The following IQCK variants were observed in gnomAD, a reference collection of about 807,000 sequenced individuals.
The protein encoded by IQCK is IQ motif containing K.
In IQCK, 29 loss-of-function variants were observed where a neutral mutation model predicts 28.1. That is an observed-to-expected ratio of 1.03 (90% CI 0.77 to 1.41). The LOEUF is 1.41. Ranked by LOEUF, IQCK falls within the 40% of genes most tolerant of loss-of-function variation. The pLI, the probability that IQCK is intolerant of heterozygous loss-of-function variation, is 0.00. For missense variants in IQCK, 359 were observed against 314.7 expected (o/e 1.14, Z -1.07); for synonymous variants, 113 against 115.1 (o/e 0.98, Z 0.12).
chr16:19,820,563 C>A (rs956240393), intron 7 of IQCK, among the ~76,000 whole-genome samples: 2 of 151,234 alleles, frequency 1.3e-5, no homozygotes, highest in Non-Finnish European at 2.9e-5. Context: ...GCACGAGAAT[C>A]ACTTGAACCC....
rs183840831 is a variant in IQCK at position 19,782,593 on chromosome 16, A to G, written c.606-6245A>G. Among the ~76,000 whole-genome samples the G allele has an allele frequency of 3.2e-3, 481 of 152,242 alleles. 2 individuals carry two copies. The highest frequency in any genetic ancestry group is 0.011 in the African/African-American group (461 of 41,538). On this transcript the variant is annotated intron_variant, in intron 6 of 7. Transcript: ENST00000564186. Reference sequence around the variant, plus strand: ...CAGTGAGCTATGATCATGCCACTACACTGCAGCCTGGGTGACAGAGCAAGA... The same window carrying G: ...CAGTGAGCTATGATCATGCCACTACGCTGCAGCCTGGGTGACAGAGCAAGA...
At chr16:19,818,878 T>A (rs2056025651) in intron 7 of IQCK, among the ~76,000 whole-genome samples, 1 of 152,172 alleles carries the variant, frequency 6.6e-6, no homozygotes, top group African/African-American at 2.4e-5. Flanking sequence ...TAGGAACGAC[T>A]TTATTTTTCT....
At chr16:19,805,008 C>T (rs928987772) in intron 7 of IQCK, among the ~76,000 whole-genome samples, 2 of 152,088 alleles carry the variant, frequency 1.3e-5, no homozygotes, top group African/African-American at 4.8e-5. Flanking sequence ...TCCTCCTTTC[C>T]AGAGAGGGGC....
At chr16:19,748,957 TTA>T (rs1451470710) in intron 4 of IQCK, among the ~76,000 whole-genome samples, 2 of 152,142 alleles carry the variant, frequency 1.3e-5, no homozygotes, top group East Asian at 3.9e-4. Context: ...TCTTGAGAAT[TTA>T]TGTCTAAAGA....
chr16:19,746,462 C>T (rs565504013), intron 4 of IQCK, among the ~76,000 whole-genome samples: 1 of 152,344 alleles, frequency 6.6e-6, no homozygotes, highest in African/African-American at 2.4e-5. Context: ...ACCTGACATT[C>T]ATTCCTACTG....
chr16:19,737,037 C>T (rs958183146), intron 4 of IQCK, among the ~76,000 whole-genome samples: 4 of 151,508 alleles, frequency 2.6e-5, no homozygotes, highest in African/African-American at 9.7e-5. Flanking sequence ...TGGTGCATAC[C>T]TGTAGTCCCA....
At chr16:19,836,661 A>C (rs544619018) in intron 9 of IQCK, among the ~76,000 whole-genome samples, 15 of 151,946 alleles carry the variant, frequency 9.9e-5, no homozygotes, top group South Asian at 6.2e-4. Context: ...CTACAGGCGC[A>C]CGCCACCACG....
At chr16:19,824,866 C>G (rs1277586658) in intron 7 of IQCK, among the ~76,000 whole-genome samples, 1 of 152,192 alleles carries the variant, frequency 6.6e-6, no homozygotes, top group Non-Finnish European at 1.5e-5. Context: ...GCACCTCTTG[C>G]AGAGGCCAGT....
intron 6 of IQCK, among the ~76,000 whole-genome samples, chr16:19,777,201 T>G (rs953179971): frequency 1.3e-5 from 2 of 151,180 alleles, no homozygotes; most frequent in Non-Finnish European, 2.9e-5. Context: ...AAAAAAAAGG[T>G]GGGGGGCTGG....
At position 19,826,925 on chromosome 16, in the gene IQCK, G is replaced by A. The variant is rs926134883; in HGVS notation, c.691-101G>A. 13 of 755,190 alleles carry A rather than the reference G, an allele frequency of 1.7e-5. No homozygotes were observed. In the African/African-American group the frequency reaches 2.1e-4, roughly 12 times the overall value. The allele number at this position is 755,190 out of a possible 1,614,324, so 46.8% of individuals were successfully genotyped here. A position where few individuals can be genotyped will look rare whatever the true frequency, so the allele number is the denominator to read the frequency against. On this transcript the variant is annotated intron_variant, in intron 7 of 7. Transcript: ENST00000564186. ...GACGATGATTCATTGAGAATCAAAA[G>A]TACATCCAACTGGTTTGTAAAGGAT...
chr16:19,801,301 TC>T (rs759826126), intron 7 of IQCK, among the ~76,000 whole-genome samples: 35 of 83,676 alleles, frequency 4.2e-4, no homozygotes, highest in African/African-American at 1.8e-3. Context: ...TCTCTCTCTC[TC>T]TTTTTTTTTT....
At chr16:19,723,261 C>CT (rs1977553880) in intron 1 of IQCK, among the ~76,000 whole-genome samples, 1 of 152,166 alleles carries the variant, frequency 6.6e-6, no homozygotes, top group African/African-American at 2.4e-5. Context: ...AAATTCAAAT[C>CT]TAATCGCATC....
chr16:19,740,748 A>C (rs1202275513), intron 4 of IQCK, among the ~76,000 whole-genome samples: 1 of 151,998 alleles, frequency 6.6e-6, no homozygotes, highest in African/African-American at 2.4e-5. Flanking sequence ...AGGCATGTGG[A>C]TCATGCAGTC....
intron 6 of IQCK, among the ~76,000 whole-genome samples, chr16:19,774,027 G>C (rs2055354457): frequency 6.6e-6 from 1 of 152,170 alleles, no homozygotes; most frequent in South Asian, 2.1e-4. Context: ...TAATGAAGTA[G>C]CTGAGAACAC....
rs1332834692 is a variant in IQCK, at chr16:19,816,601, C to T, written c.691-10425C>T. On this transcript the variant is annotated intron_variant, in intron 7 of 7. Transcript: ENST00000564186. ...GCCTGGCCAACACTTCTTTCTGCTG[C>T]CTGGCTAATGCCTAAAATTATAAAA... Among the ~76,000 whole-genome samples, 3 of 152,152 alleles carry T rather than the reference C, an allele frequency of 2.0e-5. No homozygotes were observed. The South Asian group carries it at 6.2e-4, about 32-fold the overall frequency.
chr16:19,814,240 A>C (rs112268425), intron 7 of IQCK, among the ~76,000 whole-genome samples: 3,602 of 142,532 alleles, frequency 0.025, 263 homozygotes, highest in African/African-American at 0.091. Flanking sequence ...AAAAAAAAAA[A>C]AAAAAACCAC....
At chr16:19,851,434 G>T (rs1362970182) in intron 9 of IQCK, among the ~76,000 whole-genome samples, 1 of 152,118 alleles carries the variant, frequency 6.6e-6, no homozygotes, top group Non-Finnish European at 1.5e-5. Flanking sequence ...TGACCCTGTG[G>T]TCCCCAAATT....
chr16:19,837,439 G>A (rs1391144622), intron 9 of IQCK, among the ~76,000 whole-genome samples: 1 of 152,148 alleles, frequency 6.6e-6, no homozygotes, highest in Non-Finnish European at 1.5e-5. Flanking sequence ...TGGAGGGTCT[G>A]ACAGAACCGA....
exon 8 of IQCK, chr16:19,827,090 A>G: frequency 6.2e-7 from 1 of 1,614,138 alleles, no homozygotes. Flanking sequence ...GAGGCCAAGC[A>G]CATTCACCAG....
Sources: allele counts gnomAD v4.1 joint callset (sites outside exome capture counted in the v4.1 genomes callset), GRCh38; gene constraint gnomAD v4.1.1; transcripts MANE v1.5; gene names NCBI Gene and HGNC (gene_info 2026-07-23, HGNC 2026-07-21).